Variants in APAF1 observed in about 807,000 individuals in gnomAD.
APAF1 encodes apoptotic protease-activating factor 1.
Under a neutral mutation model 152.4 loss-of-function variants are expected in APAF1, and 91 were observed. That is an observed-to-expected ratio of 0.60 (90% CI 0.50 to 0.71). The LOEUF is 0.71. Among genes scored for constraint, APAF1 ranks in the 30% least tolerant of loss-of-function variants. The pLI is 0.00. For missense variants in APAF1, 1,283 were observed against 1,472.0 expected (o/e 0.87, Z 2.10); for synonymous variants, 484 against 494.1 (o/e 0.98, Z 0.27).
In APAF1 at chr12:98,686,769, G is replaced by A; in HGVS notation, c.2200G>A (p.Glu734Lys). The A allele has an allele frequency of 1.1e-5, 18 of 1,613,630 alleles. No individual in the cohort carries two copies. Among genetic ancestry groups the A allele is most frequent in the Non-Finnish European group, 1.5e-5 (18 of 1,179,804 alleles). ...ATAGCTTTGGGATTTGAATCAAAAA[G>A]AATGTCGAAATACCATGTTTGGTCA... is the stretch of plus-strand genomic sequence containing the variant. Reference protein sequence around the residue: ...FLKLWDLNQKECRNTMFGHTN... With the variant: ...FLKLWDLNQKKCRNTMFGHTN... The change falls in exon 16 of 27, where the codon GAA (glutamate) becomes AAA (lysine). Residue 734 changes from glutamate to lysine, a missense_variant. Glu to Lys is a moderately conservative substitution (Grantham distance 56). Coordinates refer to ENST00000551964, the MANE Select transcript of APAF1 (RefSeq NM_181861.2).
intron 4 of APAF1, among the ~76,000 whole-genome samples, chr12:98,652,661 T>C (rs1210686406): frequency 6.6e-6 from 1 of 152,006 alleles, no homozygotes; most frequent in Admixed American, 6.6e-5. Context: ...AGTTTCGCTC[T>C]TGTTGCCCAG....
At chr12:98,666,164 T>C (rs373865610) in intron 8 of APAF1, 26 bp from the exon 9 acceptor site, 121 of 1,609,318 alleles carry the variant, frequency 7.5e-5, no homozygotes, top group Non-Finnish European at 9.3e-5. Context: ...TTTTGTGGCA[T>C]ATTAAATACT....
intron 20 of APAF1, among the ~76,000 whole-genome samples, chr12:98,709,366 T>C (rs1167045294): frequency 2.0e-5 from 3 of 152,088 alleles, no homozygotes; most frequent in Admixed American, 6.5e-5. Flanking sequence ...ATTTCTCAAC[T>C]AGCTGAAGAG....
In APAF1 at chr12:98,666,369, T is replaced by G; in HGVS notation, c.1362+12T>G. The G allele has an allele frequency of 6.2e-7, 1 of 1,606,788 alleles. No individual in the cohort carries two copies. The highest frequency in any genetic ancestry group is 1.7e-5 in the Admixed American group (1 of 58,912). On this transcript the variant is annotated intron_variant, in intron 9 of 26. Coordinates refer to ENST00000551964, the MANE Select transcript of APAF1 (RefSeq NM_181861.2). ...GCAGCCAGCTTCAGGTACTTGCATC[T>G]TGGTTTACTTTTTTTTTTCCTTTTT...
chr12:98,699,136 A>G (rs994851004), intron 16 of APAF1, among the ~76,000 whole-genome samples: 2 of 152,192 alleles, frequency 1.3e-5, no homozygotes, highest in African/African-American at 2.4e-5. Context: ...GTCAACATGT[A>G]ATTTTTAGCT....
In APAF1 at chr12:98,703,418, C is replaced by T. The variant is rs767521865; in HGVS notation, c.2514C>T (p.Gly838=). ...GCCTATTGGGAGAAATCCACACGGGCCATCACAGCACCATCCAGTACTGTG... is the reference window on the plus strand; with the variant it reads ...GCCTATTGGGAGAAATCCACACGGGTCATCACAGCACCATCCAGTACTGTG... The part of the protein sequence containing the change: ...TSGLLGEIHT[G]HHSTIQYCDF... The change falls in exon 18 of 27, where the codon GGC becomes GGT. Residue 838 remains glycine (G), a synonymous_variant. Transcript: ENST00000551964. The T allele has an allele frequency of 5.2e-5, 84 of 1,613,972 alleles. No homozygotes were observed. The highest frequency in any genetic ancestry group is 6.9e-5 in the Non-Finnish European group (82 of 1,180,002).
chr12:98,694,962 G>T, intron 16 of APAF1, among the ~76,000 whole-genome samples: 1 of 150,270 alleles, frequency 6.7e-6, no homozygotes, highest in Non-Finnish European at 1.5e-5. Flanking sequence ...GCAAGATGGT[G>T]AACTTTTGAT....
intron 25 of APAF1, among the ~76,000 whole-genome samples, chr12:98,725,884 A>C (rs182626466): frequency 7.9e-5 from 12 of 152,316 alleles, no homozygotes; most frequent in Non-Finnish European, 1.6e-4. Flanking sequence ...ATAATTTTGT[A>C]AATTATGGTC....
intron 4 of APAF1, among the ~76,000 whole-genome samples, chr12:98,650,560 G>C (rs958925761): frequency 6.6e-6 from 1 of 151,586 alleles, no homozygotes; most frequent in Non-Finnish European, 1.5e-5. Flanking sequence ...AGTTTAGACA[G>C]AATGATTGGA....
Position 98,697,979 on chromosome 12 carries a change from G to T in APAF1, c.2305-1429G>T, listed in dbSNP as rs1021774951. On this transcript the variant is annotated intron_variant, in intron 16 of 26. Coordinates refer to ENST00000551964, the MANE Select transcript of APAF1 (RefSeq NM_181861.2). Reference sequence around the variant, plus strand: ...TTTAAAGCACGCAGAGGCCTGGGGTGCACAGGGACCCTGGATACAGTGTAG... The same window carrying T: ...TTTAAAGCACGCAGAGGCCTGGGGTTCACAGGGACCCTGGATACAGTGTAG... Among the ~76,000 whole-genome samples the T allele has an allele frequency of 5.9e-5, 9 of 152,150 alleles. No individual in the cohort carries two copies. The East Asian group carries it at 7.7e-4, about 13-fold the overall frequency.
intron 16 of APAF1, among the ~76,000 whole-genome samples, chr12:98,693,043 C>A (rs979094647): frequency 2.0e-5 from 3 of 151,642 alleles, no homozygotes; most frequent in Non-Finnish European, 4.4e-5. Context: ...TGCAGCCTCC[C>A]TGGCATCTTT....
intron 9 of APAF1, among the ~76,000 whole-genome samples, chr12:98,667,228 TG>T (rs1237944688): frequency 6.6e-6 from 1 of 152,040 alleles, no homozygotes; most frequent in African/African-American, 2.4e-5. Flanking sequence ...CCCGAGTAGT[TG>T]GGTCTGCAGG....
chr12:98,703,529 T>G, intron 18 of APAF1, 30 bp downstream of exon 18: 1 of 1,613,726 alleles, frequency 6.2e-7, no homozygotes. Context: ...CTGTGAAGCC[T>G]GGGTTTCCAG....
chr12:98,706,552 T>G lies in APAF1; in HGVS notation c.2663T>G (p.Val888Gly), dbSNP rs765984453. ...GGACATTTAAGTTGGGTTCATGGTG[T>G]GATGTTTTCTCCTGATGGATCATCA... ...CRGHLSWVHG[V>G]MFSPDGSSFL... is the part of the protein sequence containing the mutation. Residue 888 changes from valine to glycine, a missense_variant, in exon 19 of 27, where the codon GTG (valine) becomes GGG (glycine). Transcript: ENST00000551964. 1 of 1,614,044 alleles carries G rather than the reference T, an allele frequency of 6.2e-7. No individual in the cohort carries two copies. The highest frequency in any genetic ancestry group is 1.7e-5 in the Admixed American group (1 of 60,024).
chr12:98,701,783 C>T (rs2097715623), intron 17 of APAF1, among the ~76,000 whole-genome samples: 1 of 152,078 alleles, frequency 6.6e-6, no homozygotes, highest in African/African-American at 2.4e-5. Flanking sequence ...GATTTCTTAC[C>T]CTTTGGTCTC....
chr12:98,731,143 T>C (rs1422365973), intron 26 of APAF1, among the ~76,000 whole-genome samples: 1 of 152,184 alleles, frequency 6.6e-6, no homozygotes, highest in East Asian at 1.9e-4. Flanking sequence ...ACAAGATTGT[T>C]TAACTTCTGT....
intron 26 of APAF1, among the ~76,000 whole-genome samples, chr12:98,731,102 C>T (rs1281597752): frequency 6.6e-6 from 1 of 152,140 alleles, no homozygotes; most frequent in Non-Finnish European, 1.5e-5. Context: ...TCAAAGCCTG[C>T]CTCTGCCACT....
intron 22 of APAF1, among the ~76,000 whole-genome samples, chr12:98,718,871 C>A (rs1225699704): frequency 6.6e-6 from 1 of 151,988 alleles, no homozygotes; most frequent in East Asian, 1.9e-4. Context: ...GAGGTCCAGG[C>A]TGGAGTGAGC....
intron 17 of APAF1, among the ~76,000 whole-genome samples, chr12:98,700,029 A>T (rs2097713730): frequency 1.3e-5 from 2 of 152,358 alleles, no homozygotes; most frequent in South Asian, 4.1e-4. Context: ...AGAAATGCTC[A>T]TCAATGACTG....
Sources: gnomAD v4.1 joint callset for allele counts (sites outside exome capture counted in the v4.1 genomes callset) on GRCh38, gnomAD v4.1.1 for gene constraint, MANE v1.5 for transcripts, NCBI Gene and HGNC (gene_info 2026-07-23, HGNC 2026-07-21) for gene names.